Variants in PCDH11X observed in about 807,000 individuals in gnomAD.
PCDH11X encodes the protein protocadherin-11 X-linked.
In PCDH11X, 18 loss-of-function variants were observed where a neutral mutation model predicts 53.3. That is an observed-to-expected ratio of 0.34 (90% CI 0.23 to 0.50). PCDH11X has a LOEUF of 0.50. PCDH11X is among the 20% of genes least tolerant of loss of function. The pLI is 0.98. For synonymous variants in PCDH11X, 279 were observed against 393.3 expected (o/e 0.71, Z 3.44); for missense variants, 570 against 1,032.4 (o/e 0.55, Z 6.14).
At chrX:91,868,696 A>G (rs2147707127) in intron 5 of PCDH11X, among the ~76,000 whole-genome samples, 1 of 111,984 alleles carries the variant, frequency 8.9e-6, no homozygotes, top group Non-Finnish European at 1.9e-5. Flanking sequence ...TCCTGATATT[A>G]ATAAGCAATC....
rs1265105950 is a variant in PCDH11X at position 92,394,163 on chromosome X, G to A, written c.3343+6230G>A. ...GAGATAATCTTTAAAAAATTATAGA[G>A]GTCATGAATTAAAATGAGAAGTGTA... is the stretch of plus-strand genomic sequence containing the variant. On this transcript the variant is annotated intron_variant, in intron 9 of 10. Transcript: ENST00000682573. 5.4e-5 allele frequency among the ~76,000 whole-genome samples: 6 copies of A among 111,147 alleles called. 1 individual carries two copies. The highest frequency in any genetic ancestry group is 4.8e-4 in the Admixed American group (5 of 10,405).
Position 92,446,039 on chromosome X carries a change from G to A in PCDH11X, c.3344-22260G>A, listed in dbSNP as rs62598695. On this transcript the variant is annotated intron_variant, in intron 9 of 10. Coordinates refer to ENST00000682573, the MANE Select transcript of PCDH11X (RefSeq NM_032968.5). ...TTTAACCTCATATTATTGGTTTTGTGTCATGTCTCAATATGTCACCAAAGC... is the reference window on the plus strand; with the variant it reads ...TTTAACCTCATATTATTGGTTTTGTATCATGTCTCAATATGTCACCAAAGC... 6.5e-3 allele frequency among the ~76,000 whole-genome samples: 705 copies of A among 109,096 alleles called. 1 individual carries two copies. Among genetic ancestry groups the A allele is most frequent in the Non-Finnish European group, 0.01 (533 of 52,524 alleles). The allele number at this position is 109,096 out of a possible 115,157, so 94.7% of individuals were successfully genotyped here. A position where few individuals can be genotyped will look rare whatever the true frequency, so the allele number is the denominator to read the frequency against.
At chrX:91,887,611 ATTAT>A (rs1940292838) in intron 6 of PCDH11X, among the ~76,000 whole-genome samples, 1 of 112,110 alleles carries the variant, frequency 8.9e-6, no homozygotes, top group Non-Finnish European at 1.9e-5. Context: ...GAATTTTAAA[ATTAT>A]TTGTTTTTAT....
rs768759027 is a variant in PCDH11X at position 92,565,651 on chromosome X, G to C, written c.3368-52613G>C. Among the ~76,000 whole-genome samples, 424 of 103,997 alleles carry C rather than the reference G, an allele frequency of 4.1e-3. 2 individuals carry two copies. Among genetic ancestry groups the C allele is most frequent in the African/African-American group, 0.014 (407 of 28,737 alleles). The allele number at this position is 103,997 out of a possible 115,157, so 90.3% of individuals were successfully genotyped here. On this transcript the variant is annotated intron_variant, in intron 10 of 10. Coordinates refer to ENST00000682573, the MANE Select transcript of PCDH11X (RefSeq NM_032968.5). ...ACCAGTAGCTGGAAAGGGTAGTGGGGTTTGGGGGGAATGCTGGGATGGTTA... is the reference window on the plus strand; with the variant it reads ...ACCAGTAGCTGGAAAGGGTAGTGGGCTTTGGGGGGAATGCTGGGATGGTTA...
intron 6 of PCDH11X, among the ~76,000 whole-genome samples, chrX:92,096,406 T>C (rs2064134031): frequency 9.3e-6 from 1 of 107,378 alleles, no homozygotes; most frequent in South Asian, 4.3e-4. Context: ...AGTTTATACA[T>C]AGTTTAGGGG....
chrX:92,375,743 C>T (rs1244776215), intron 8 of PCDH11X, among the ~76,000 whole-genome samples: 2 of 108,410 alleles, frequency 1.8e-5, no homozygotes, highest in Non-Finnish European at 1.9e-5. Context: ...CCTGCCACAG[C>T]CTACCAAGTA....
At position 91,883,679 on chromosome X, in the gene PCDH11X, C is replaced by A. The variant is rs570270666; in HGVS notation, c.3033+4406C>A. 1.2e-3 allele frequency: 576 copies of A among 498,803 alleles called. 11 individuals carry two copies. In the South Asian group the frequency reaches 0.055, roughly 48 times the overall value. 41.1% of individuals were successfully genotyped at this position (498,803 alleles called of 1,213,427 possible). On this transcript the variant is annotated intron_variant, in intron 6 of 10. Coordinates refer to ENST00000682573, the MANE Select transcript of PCDH11X (RefSeq NM_032968.5). ...AATTAGCCTGGCGTGGTGGCGGGCGCCTGTAGTCCCAGCTACTCGGGAGGC... is the reference window on the plus strand; with the variant it reads ...AATTAGCCTGGCGTGGTGGCGGGCGACTGTAGTCCCAGCTACTCGGGAGGC...
chrX:92,038,482 A>C (rs2063162861), intron 6 of PCDH11X, among the ~76,000 whole-genome samples: 1 of 111,868 alleles, frequency 8.9e-6, no homozygotes, highest in South Asian at 3.7e-4. Flanking sequence ...AATTGCACAG[A>C]AGTCAAGAAT....
chrX:91,910,366 A>G (rs1941331118), intron 6 of PCDH11X, among the ~76,000 whole-genome samples: 1 of 109,302 alleles, frequency 9.1e-6, no homozygotes, highest in East Asian at 2.9e-4. Context: ...ATATCTTACT[A>G]TTTGAACCTG....
intron 5 of PCDH11X, among the ~76,000 whole-genome samples, chrX:91,856,724 A>C (rs944706932): frequency 9.1e-6 from 1 of 109,923 alleles, no homozygotes; most frequent in African/African-American, 3.3e-5. Flanking sequence ...TTCCTGTGTT[A>C]GTTTGCGGAG....
intron 5 of PCDH11X, among the ~76,000 whole-genome samples, chrX:91,854,179 T>G (rs947787632): frequency 9.0e-6 from 1 of 111,520 alleles, no homozygotes; most frequent in African/African-American, 3.3e-5. Flanking sequence ...TAGCCTCTGG[T>G]AACCACCTTC....
At chrX:92,278,835 G>C (rs781082158) in intron 8 of PCDH11X, among the ~76,000 whole-genome samples, 1 of 86,720 alleles carries the variant, frequency 1.2e-5, no homozygotes, top group African/African-American at 5.0e-5. Context: ...TTTTGAGATG[G>C]AGTTTCACTG....
chrX:92,282,607 A>G (rs1412014803), intron 8 of PCDH11X, among the ~76,000 whole-genome samples: 1 of 111,765 alleles, frequency 8.9e-6, no homozygotes, highest in African/African-American at 3.2e-5. Context: ...TTATGCTAAA[A>G]TAAAATAGCA....
chrX:91,857,961 C>T (rs1602373358), intron 5 of PCDH11X, among the ~76,000 whole-genome samples: 1 of 111,488 alleles, frequency 9.0e-6, no homozygotes, highest in East Asian at 2.8e-4. Context: ...GTGGAGGCTC[C>T]CACCCCACAT....
At chrX:91,795,238 C>T (rs1935693369) in intron 1 of PCDH11X, among the ~76,000 whole-genome samples, 1 of 111,699 alleles carries the variant, frequency 9.0e-6, no homozygotes, top group Admixed American at 9.5e-5. Context: ...TGAACAGTTA[C>T]ACCTACTGAC....
intron 6 of PCDH11X, among the ~76,000 whole-genome samples, chrX:91,937,167 A>G (rs1229195271): frequency 9.1e-6 from 1 of 109,788 alleles, no homozygotes; most frequent in African/African-American, 3.3e-5. Context: ...GGAGGACAAT[A>G]GTCTGAGCAC....
At chrX:92,115,528 G>T (rs2064620120) in intron 6 of PCDH11X, among the ~76,000 whole-genome samples, 1 of 110,444 alleles carries the variant, frequency 9.1e-6, no homozygotes, top group South Asian at 4.0e-4. Context: ...ACAAGATGAA[G>T]TCCCACGATA....
intron 6 of PCDH11X, among the ~76,000 whole-genome samples, chrX:92,160,641 CTTTTTTT>C (rs529782445): frequency 4.6e-5 from 4 of 87,875 alleles, no homozygotes; most frequent in African/African-American, 1.7e-4. Flanking sequence ...ATTTTTTTTT[CTTTTTTT>C]TTTTTTTTTA....
chrX:92,545,952 G>A (rs867721144), intron 10 of PCDH11X, among the ~76,000 whole-genome samples: 2 of 106,312 alleles, frequency 1.9e-5, no homozygotes, highest in South Asian at 4.1e-4. Context: ...TGGTGTAGGG[G>A]AAGTATTATC....
Sources: gnomAD v4.1 joint callset for allele counts (sites outside exome capture counted in the v4.1 genomes callset) on GRCh38, gnomAD v4.1.1 for gene constraint, MANE v1.5 for transcripts, NCBI Gene and HGNC (gene_info 2026-07-23, HGNC 2026-07-21) for gene names.